PTPRD: variants seen among roughly 807,000 people sequenced by gnomAD.
PTPRD encodes the protein receptor-type tyrosine-protein phosphatase delta.
In PTPRD, 34 loss-of-function variants were observed where a neutral mutation model predicts 214.5. The ratio of observed to expected loss-of-function variants is 0.16; its 90% CI spans 0.12 to 0.21. PTPRD has a LOEUF of 0.21. PTPRD is among the 10% of genes least tolerant of loss of function. The pLI is 1.00. For missense variants in PTPRD, 2,545 were observed against 2,398.7 expected (o/e 1.06, Z -1.27); for synonymous variants, 1,128 against 845.7 (o/e 1.33, Z -5.79).
chr9:9,213,813 C>T (rs916594657), intron 9 of PTPRD, among the ~76,000 whole-genome samples: 9 of 152,004 alleles, frequency 5.9e-5, no homozygotes, highest in Non-Finnish European at 8.8e-5. Context: ...AAATATTTAT[C>T]TATCATCTCT....
intron 3 of PTPRD, among the ~76,000 whole-genome samples, chr9:10,269,078 T>C (rs145206116): frequency 1.3e-5 from 2 of 152,248 alleles, no homozygotes; most frequent in African/African-American, 4.8e-5. Context: ...AACTAAAAGT[T>C]CACATGCTCA....
chr9:9,491,338 G>A (rs1255630690), intron 8 of PTPRD, among the ~76,000 whole-genome samples: 1 of 151,880 alleles, frequency 6.6e-6, no homozygotes, highest in African/African-American at 2.4e-5. Context: ...ATAGTTCTAC[G>A]ATAATAGTTG....
intron 11 of PTPRD, among the ~76,000 whole-genome samples, chr9:8,759,085 C>T (rs1366083171): frequency 2.0e-5 from 3 of 151,654 alleles, no homozygotes; most frequent in Admixed American, 6.6e-5. Context: ...GGCTGGAGTA[C>T]AGTGACACGA....
chr9:8,628,582 C>T (rs1215116790), intron 14 of PTPRD, among the ~76,000 whole-genome samples: 1 of 148,344 alleles, frequency 6.7e-6, no homozygotes, highest in African/African-American at 2.5e-5. Flanking sequence ...GATTTCATCG[C>T]TAATCCAAGG....
At chr9:10,009,197 G>T (rs1015160264) in intron 4 of PTPRD, among the ~76,000 whole-genome samples, 3 of 151,918 alleles carry the variant, frequency 2.0e-5, no homozygotes, top group Admixed American at 2.0e-4. Context: ...CTATACATTT[G>T]TCAACAATAA....
At chr9:9,344,059 TGCAC>T (rs1269060520) in intron 9 of PTPRD, among the ~76,000 whole-genome samples, 8 of 152,134 alleles carry the variant, frequency 5.3e-5, no homozygotes, top group Non-Finnish European at 2.9e-5. Context: ...ATACTGAAAA[TGCAC>T]ATCTCTCAAT....
chr9:8,578,830 A>G (rs1237705416), intron 14 of PTPRD, among the ~76,000 whole-genome samples: 2 of 152,222 alleles, frequency 1.3e-5, no homozygotes, highest in African/African-American at 4.8e-5. Context: ...TTTTGATTAA[A>G]AAGTACAGGA....
intron 9 of PTPRD, among the ~76,000 whole-genome samples, chr9:9,258,961 C>T (rs532729778): frequency 6.6e-6 from 1 of 151,846 alleles, no homozygotes; most frequent in East Asian, 2.0e-4. Flanking sequence ...CAGTGTTTCT[C>T]GAGTTGGGGA....
At chr9:9,351,456 G>A (rs918460773) in intron 9 of PTPRD, among the ~76,000 whole-genome samples, 1 of 151,964 alleles carries the variant, frequency 6.6e-6, no homozygotes, top group Non-Finnish European at 1.5e-5. Context: ...TGCATTAGAT[G>A]TATTTTAGTT....
intron 12 of PTPRD, among the ~76,000 whole-genome samples, chr9:8,707,681 T>C (rs1323251193): frequency 1.3e-5 from 2 of 152,228 alleles, no homozygotes; most frequent in Admixed American, 1.3e-4. Context: ...TCCCTAATTA[T>C]ATTGGGTGTT....
At chr9:10,213,796 C>T (rs1293937307) in intron 3 of PTPRD, among the ~76,000 whole-genome samples, 2 of 152,062 alleles carry the variant, frequency 1.3e-5, no homozygotes, top group Non-Finnish European at 2.9e-5. Context: ...TGTAACTTCT[C>T]TTTCCATATA....
At chr9:10,418,050 G>C (rs2154514618) in intron 2 of PTPRD, among the ~76,000 whole-genome samples, 1 of 151,702 alleles carries the variant, frequency 6.6e-6, no homozygotes, top group East Asian at 2.0e-4. Flanking sequence ...AACCATGAAA[G>C]ACAAACGATT....
At chr9:10,254,360 T>C (rs957418321) in intron 3 of PTPRD, among the ~76,000 whole-genome samples, 2 of 152,208 alleles carry the variant, frequency 1.3e-5, no homozygotes, top group Non-Finnish European at 2.9e-5. Context: ...CAATATGAAT[T>C]ACATAATAAA....
intron 25 of PTPRD, among the ~76,000 whole-genome samples, chr9:8,497,812 G>C (rs2097309394): frequency 6.6e-6 from 1 of 152,102 alleles, no homozygotes; most frequent in Non-Finnish European, 1.5e-5. Context: ...TAATGCATTT[G>C]GTATTATATA....
At chr9:10,566,158 T>C (rs1200517389) in intron 2 of PTPRD, among the ~76,000 whole-genome samples, 1 of 152,040 alleles carries the variant, frequency 6.6e-6, no homozygotes, top group Non-Finnish European at 1.5e-5. Context: ...AATTTGTCAC[T>C]ATTTAACAAT....
At chr9:8,626,929 GT>G (rs1595584427) in intron 14 of PTPRD, among the ~76,000 whole-genome samples, 1 of 151,448 alleles carries the variant, frequency 6.6e-6, no homozygotes, top group African/African-American at 2.4e-5. Flanking sequence ...TTCTGTTGGG[GT>G]TCTCTTTCTC....
At chr9:9,974,195 C>G (rs1015318727) in intron 4 of PTPRD, among the ~76,000 whole-genome samples, 1 of 152,196 alleles carries the variant, frequency 6.6e-6, no homozygotes, top group Non-Finnish European at 1.5e-5. Context: ...TGATCTATGA[C>G]ACATATGTAA....
chr9:10,033,171 TGA>T (rs1237745966), intron 4 of PTPRD, among the ~76,000 whole-genome samples: 2 of 150,984 alleles, frequency 1.3e-5, no homozygotes, highest in African/African-American at 2.4e-5. Context: ...AAAATATTTA[TGA>T]GAGAGAGAGA....
intron 3 of PTPRD, among the ~76,000 whole-genome samples, chr9:10,117,769 C>A (rs899259521): frequency 2.6e-5 from 4 of 151,792 alleles, no homozygotes; most frequent in African/African-American, 9.7e-5. Flanking sequence ...TGAAACAATT[C>A]ATGTCAGAAG....
Sources: gnomAD v4.1 joint callset for allele counts (sites outside exome capture counted in the v4.1 genomes callset) on GRCh38, gnomAD v4.1.1 for gene constraint, MANE v1.5 for transcripts, NCBI Gene and HGNC (gene_info 2026-07-23, HGNC 2026-07-21) for gene names.